The following CCDC171 variants were observed in gnomAD, a reference collection of about 807,000 sequenced individuals.
CCDC171 encodes coiled-coil domain containing 171.
Under a neutral mutation model 168.2 loss-of-function variants are expected in CCDC171, and 177 were observed. That is an observed-to-expected ratio of 1.05 (90% confidence interval 0.93 to 1.19). CCDC171 has a LOEUF of 1.19. Among genes scored for constraint, CCDC171 ranks in the 50% most tolerant of loss-of-function variants. CCDC171 has a pLI of 0.00. For missense variants in CCDC171, 1,991 were observed against 1,539.0 expected (o/e 1.29, Z -4.91); for synonymous variants, 687 against 540.8 (o/e 1.27, Z -3.75).
intron 25 of CCDC171, among the ~76,000 whole-genome samples, chr9:15,964,783 A>G (rs764650643): frequency 2.8e-4 from 43 of 152,256 alleles, no homozygotes; most frequent in Non-Finnish European, 1.5e-4. Flanking sequence ...TTTTTGAGAC[A>G]GAGTCTCACT....
rs575007785 is a variant in CCDC171 at position 15,921,682 on chromosome 9, G to C, written c.3753+1260G>C. ...CAGTTATTTGGGACCAGAGTTGTGA[G>C]TTCAGTTTTTAAAATGACTTTGTTA... On this transcript the variant is annotated intron_variant, in intron 25 of 25. Coordinates refer to ENST00000380701, the MANE Select transcript of CCDC171 (RefSeq NM_173550.4). Among the ~76,000 whole-genome samples the C allele has an allele frequency of 2.8e-4, 43 of 151,674 alleles. No individual in the cohort carries two copies. In the South Asian group the frequency reaches 8.9e-3, roughly 31 times the overall value.
intron 25 of CCDC171, among the ~76,000 whole-genome samples, chr9:15,956,295 T>C (rs1459233177): frequency 6.6e-6 from 1 of 152,174 alleles, no homozygotes; most frequent in Non-Finnish European, 1.5e-5. Context: ...CTGGGATTAG[T>C]TCATGATGAT....
chr9:15,906,778 C>A (rs10810471), intron 24 of CCDC171, among the ~76,000 whole-genome samples: 58,325 of 151,764 alleles, frequency 0.38, 11,712 homozygotes, highest in East Asian at 0.6. Flanking sequence ...AAAACCCCAT[C>A]GTCTCAGCCC....
rs57651824 is a variant in CCDC171, at chr9:15,799,135, CATATATATATATATAT to C, written c.3267+14457_3267+14472del. On this transcript the variant is annotated intron_variant, in intron 21 of 25. Transcript: ENST00000380701. ...GAAAACAATTGTCTTTCATCATTGC[CATATATATATATATAT>C]ATATATATATATATACCATTTTGAT... Among the ~76,000 whole-genome samples, 26 of 109,028 alleles carry C rather than the reference CATATATATATATATAT, an allele frequency of 2.4e-4. No homozygotes were observed. The East Asian group carries it at 4.0e-3, about 17-fold the overall frequency. 71.5% of individuals were successfully genotyped at this position (109,028 alleles called of 152,430 possible).
chr9:15,679,635 C>T (rs1390538231), intron 10 of CCDC171, among the ~76,000 whole-genome samples: 2 of 152,148 alleles, frequency 1.3e-5, no homozygotes. Context: ...CTGAAATCTG[C>T]AGCTCCTGGG....
At chr9:15,778,871 G>T in intron 19 of CCDC171, 97 bp from the exon 20 acceptor site, 1 of 877,200 alleles carries the variant, frequency 1.1e-6, no homozygotes. Context: ...ACTGGTTTTT[G>T]GATAATCTAA....
At chr9:15,812,719 G>T (rs745889770) in intron 21 of CCDC171, among the ~76,000 whole-genome samples, 2 of 152,134 alleles carry the variant, frequency 1.3e-5, no homozygotes, top group Non-Finnish European at 2.9e-5. Context: ...CTACTGTCAG[G>T]ATAGAAGGAT....
chr9:15,945,494 C>T (rs1199932366), intron 25 of CCDC171, among the ~76,000 whole-genome samples: 1 of 150,546 alleles, frequency 6.6e-6, no homozygotes, highest in Non-Finnish European at 1.5e-5. Flanking sequence ...ACAGTCCCAC[C>T]AACAGTGTAA....
intron 21 of CCDC171, among the ~76,000 whole-genome samples, chr9:15,802,622 G>A (rs2058881410): frequency 6.6e-6 from 1 of 152,122 alleles, no homozygotes; most frequent in Non-Finnish European, 1.5e-5. Context: ...ATTCCATGTT[G>A]TATATGTTTG....
rs567031096 is a variant in CCDC171 at position 15,929,446 on chromosome 9, T to C, written c.3753+9024T>C. Among the ~76,000 whole-genome samples, 10 of 151,856 alleles carry C rather than the reference T, an allele frequency of 6.6e-5. No homozygotes were observed. In the East Asian group the frequency reaches 1.9e-3, roughly 30 times the overall value. On this transcript the variant is annotated intron_variant, in intron 25 of 25. Transcript: ENST00000380701. ...CCAAACTGAACACTTTTTTCAACACTTCTGTGCCCTGTTTCTCCTAATTCT... is the reference window on the plus strand; with the variant it reads ...CCAAACTGAACACTTTTTTCAACACCTCTGTGCCCTGTTTCTCCTAATTCT...
intron 21 of CCDC171, among the ~76,000 whole-genome samples, chr9:15,811,073 C>A (rs764886573): frequency 6.6e-6 from 1 of 152,196 alleles, no homozygotes; most frequent in African/African-American, 2.4e-5. Context: ...CAGTGCTGGT[C>A]GAGAGGACAG....
chr9:15,862,130 T>C (rs564395047), intron 23 of CCDC171, among the ~76,000 whole-genome samples: 1 of 152,100 alleles, frequency 6.6e-6, no homozygotes, highest in South Asian at 2.1e-4. Flanking sequence ...CCCTTGTTTG[T>C]AATGAGTCAT....
At chr9:15,853,547 T>C (rs937680815) in intron 23 of CCDC171, among the ~76,000 whole-genome samples, 2 of 151,626 alleles carry the variant, frequency 1.3e-5, no homozygotes, top group African/African-American at 4.8e-5. Context: ...TCTATGAGTA[T>C]AGTTTTACTT....
rs141644881 is a variant in CCDC171, at chr9:15,925,102, A to C, written c.3753+4680A>C. 7.2e-5 allele frequency among the ~76,000 whole-genome samples: 11 copies of C among 151,770 alleles called. No individual in the cohort carries two copies. In the East Asian group the frequency reaches 2.1e-3, roughly 29 times the overall value. ...AAACAGACAATCCTTGTTCTCATGA[A>C]CTTAAAATCTAGAAGTGGAATTATT... is the stretch of plus-strand genomic sequence containing the variant. On this transcript the variant is annotated intron_variant, in intron 25 of 25. Coordinates refer to ENST00000380701, the MANE Select transcript of CCDC171 (RefSeq NM_173550.4).
intron 23 of CCDC171, among the ~76,000 whole-genome samples, chr9:15,869,511 G>GT (rs1491415967): frequency 0.012 from 871 of 70,028 alleles, 11 homozygotes; most frequent in African/African-American, 0.031. Context: ...TGAAAGCGTA[G>GT]TGTTTTTTTT....
intron 18 of CCDC171, among the ~76,000 whole-genome samples, chr9:15,749,021 T>C (rs2055510525): frequency 6.6e-6 from 1 of 151,898 alleles, no homozygotes; most frequent in Non-Finnish European, 1.5e-5. Flanking sequence ...TTCAGACTGG[T>C]AAATTGGATA....
At chr9:16,099,406 A>G in the CCDC171 span, among the ~76,000 whole-genome samples, 1 of 152,216 alleles carries the variant, frequency 6.6e-6, no homozygotes, top group African/African-American at 2.4e-5. Flanking sequence ...TCTGGTGAGC[A>G]AGGCTTCACA....
chr9:15,734,448 G>A (rs1382638346), intron 16 of CCDC171, among the ~76,000 whole-genome samples: 2 of 152,168 alleles, frequency 1.3e-5, no homozygotes, highest in Admixed American at 6.5e-5. Flanking sequence ...TGAGGCAGGA[G>A]AATCACTTGA....
intron 4 of CCDC171, among the ~76,000 whole-genome samples, chr9:15,590,822 T>TTC (rs1470897599): frequency 2.7e-5 from 4 of 148,544 alleles, no homozygotes; most frequent in African/African-American, 9.9e-5. Flanking sequence ...TCTTTCTTTC[T>TTC]TTCTTTCTTT....
Sources: gnomAD v4.1 joint callset for allele counts (sites outside exome capture counted in the v4.1 genomes callset) on GRCh38, gnomAD v4.1.1 for gene constraint, MANE v1.5 for transcripts, NCBI Gene and HGNC (gene_info 2026-07-23, HGNC 2026-07-21) for gene names.